C1QTNF3: variants seen among roughly 807,000 people sequenced by gnomAD.
The protein encoded by C1QTNF3 is complement C1q tumor necrosis factor-related protein 3.
C1QTNF3 carries 26 observed loss-of-function variants against 32.6 expected under a neutral mutation model. That is an observed-to-expected ratio of 0.80 (90% CI 0.58 to 1.11). C1QTNF3 has a LOEUF of 1.11. Among genes scored for constraint, C1QTNF3 ranks in the 50% least tolerant of loss-of-function variants. C1QTNF3 has a pLI of 0.00. For synonymous variants in C1QTNF3, 155 were observed against 146.0 expected (o/e 1.06, Z -0.44); for missense variants, 362 against 398.2 (o/e 0.91, Z 0.77).
chr5:34,023,804 G>T, intron 5 of C1QTNF3, 105 bp downstream of exon 5: 1 of 747,688 alleles, frequency 1.3e-6, no homozygotes, highest in Non-Finnish European at 2.3e-6. Context: ...AAGGATAGGG[G>T]CCATGTCAGG....
At chr5:34,230,458 C>A in the C1QTNF3 span, among the ~76,000 whole-genome samples, 1 of 152,098 alleles carries the variant, frequency 6.6e-6, no homozygotes, top group African/African-American at 2.4e-5. Context: ...CAGGGTCCAT[C>A]TTAGTCATGA....
the C1QTNF3 span, among the ~76,000 whole-genome samples, chr5:34,222,199 A>C: frequency 6.6e-6 from 1 of 152,058 alleles, no homozygotes; most frequent in South Asian, 2.1e-4. Flanking sequence ...CCAAGACAAT[A>C]ACAATTCAAT....
chr5:34,240,224 G>GA, the C1QTNF3 span, among the ~76,000 whole-genome samples: 31 of 139,722 alleles, frequency 2.2e-4, no homozygotes, highest in East Asian at 4.2e-4. Flanking sequence ...AGGAACTAGG[G>GA]AAAAAAAAAA....
the C1QTNF3 span, among the ~76,000 whole-genome samples, chr5:34,133,326 A>G: frequency 6.6e-6 from 1 of 152,126 alleles, no homozygotes; most frequent in South Asian, 2.1e-4. Flanking sequence ...TTGTGGGTTT[A>G]GCTGCATTTT....
intron 1 of C1QTNF3, among the ~76,000 whole-genome samples, chr5:34,039,502 A>G (rs2112121747): frequency 6.6e-6 from 1 of 152,300 alleles, no homozygotes; most frequent in Admixed American, 6.5e-5. Context: ...ACTTTTGGTA[A>G]CAGCACCTCC....
At chr5:34,212,462 C>G in the C1QTNF3 span, among the ~76,000 whole-genome samples, 1 of 151,948 alleles carries the variant, frequency 6.6e-6, no homozygotes, top group African/African-American at 2.4e-5. Flanking sequence ...TCACAGTGAA[C>G]AGGCAACCTA....
the C1QTNF3 span, among the ~76,000 whole-genome samples, chr5:34,146,184 AT>A: frequency 2.0e-5 from 3 of 152,236 alleles, no homozygotes; most frequent in African/African-American, 7.2e-5. Flanking sequence ...AATGAAAGGC[AT>A]CCATATAGAA....
At chr5:34,148,090 G>A in the C1QTNF3 span, among the ~76,000 whole-genome samples, 1 of 151,368 alleles carries the variant, frequency 6.6e-6, no homozygotes, top group Non-Finnish European at 1.5e-5. Flanking sequence ...AAAGAAAGGG[G>A]TGACGGACGC....
chr5:34,240,297 G>A, the C1QTNF3 span, among the ~76,000 whole-genome samples: 4 of 150,308 alleles, frequency 2.7e-5, no homozygotes, highest in African/African-American at 9.7e-5. Flanking sequence ...AGATCTGAAT[G>A]AAATTGAGAT....
the C1QTNF3 span, among the ~76,000 whole-genome samples, chr5:34,140,131 G>C: frequency 2.0e-5 from 3 of 152,156 alleles, no homozygotes; most frequent in African/African-American, 7.2e-5. Context: ...GAGAGTTGAA[G>C]ATTTGAGGAG....
chr5:34,022,214 A>G (rs973265565), intron 5 of C1QTNF3, among the ~76,000 whole-genome samples: 2 of 152,238 alleles, frequency 1.3e-5, no homozygotes, highest in Non-Finnish European at 2.9e-5. Flanking sequence ...CGAGTAAAAA[A>G]CAGAGTAAAA....
In C1QTNF3 at chr5:34,020,620, G is replaced by C. The variant is rs1754301116; in HGVS notation, c.923C>G (p.Ser308Cys). 8 of 1,614,194 alleles carry C rather than the reference G, an allele frequency of 5.0e-6. No individual in the cohort carries two copies. The highest frequency in any genetic ancestry group is 6.8e-6 in the Non-Finnish European group (8 of 1,180,028). The change falls in exon 6 of 6, where the codon TCC (serine) becomes TGC (cysteine). Residue 308 changes from serine (S) to cysteine (C), a missense_variant. By Grantham distance (112) the Ser-to-Cys change is moderately radical (BLOSUM62 -1). Coordinates refer to ENST00000382065, the MANE Select transcript of C1QTNF3 (RefSeq NM_181435.6). ...AAAGAGCAGGAATCCTGCAAAGGTG[G>C]AGAAGCGTTGGTGGTCCCCATGGAG... ...GALHGDHQRF[S>C]TFAGFLLFET...
chr5:34,038,546 G>T (rs1754794894), intron 1 of C1QTNF3, among the ~76,000 whole-genome samples: 1 of 152,008 alleles, frequency 6.6e-6, no homozygotes, highest in Non-Finnish European at 1.5e-5. Flanking sequence ...GTGCCGGGAG[G>T]GACTCTGTCT....
chr5:34,160,883 AG>A, the C1QTNF3 span, among the ~76,000 whole-genome samples: 3 of 152,018 alleles, frequency 2.0e-5, no homozygotes, highest in African/African-American at 7.3e-5. Context: ...TACTAGCAAA[AG>A]AAAAAAAAAA....
chr5:34,176,796 G>A, the C1QTNF3 span, among the ~76,000 whole-genome samples: 2 of 152,070 alleles, frequency 1.3e-5, no homozygotes, highest in African/African-American at 4.8e-5. Context: ...GGTCAAAGCT[G>A]TGGTGAGCTG....
the C1QTNF3 span, among the ~76,000 whole-genome samples, chr5:34,209,320 C>T: frequency 6.6e-6 from 1 of 151,388 alleles, no homozygotes; most frequent in Non-Finnish European, 1.5e-5. Context: ...CACTAACGCG[C>T]ATAGGCTTAA....
the C1QTNF3 span, among the ~76,000 whole-genome samples, chr5:34,134,879 T>G: frequency 6.6e-6 from 1 of 152,180 alleles, no homozygotes; most frequent in Non-Finnish European, 1.5e-5. Context: ...CAGGGACAAT[T>G]TGCTTCCTCT....
the C1QTNF3 span, chr5:34,175,842 G>T: frequency 1.4e-5 from 11 of 787,112 alleles, no homozygotes; most frequent in Non-Finnish European, 2.6e-5. Flanking sequence ...CATGAAATCG[G>T]CAAAATTCCA....
the C1QTNF3 span, among the ~76,000 whole-genome samples, chr5:34,048,289 T>TGAGAGA: frequency 0.029 from 4,146 of 141,050 alleles, 101 homozygotes; most frequent in African/African-American, 0.057. Context: ...TGTGTGTGCA[T>TGAGAGA]GAGAGAGAGA....
Sources: gnomAD v4.1 joint callset for allele counts (sites outside exome capture counted in the v4.1 genomes callset) on GRCh38, gnomAD v4.1.1 for gene constraint, MANE v1.5 for transcripts, NCBI Gene and HGNC (gene_info 2026-07-23, HGNC 2026-07-21) for gene names.